Variants in VCAM1 observed in about 807,000 individuals in gnomAD.
VCAM1 encodes the protein vascular cell adhesion molecule 1.
Under a neutral mutation model 63.8 loss-of-function variants are expected in VCAM1, and 41 were observed. The observed-to-expected ratio is 0.64, with a 90% confidence interval of 0.50 to 0.83. The LOEUF (loss-of-function observed/expected upper bound fraction) is 0.83, where lower values mean the gene tolerates loss of function less well. VCAM1 is among the 40% of genes least tolerant of loss of function. The pLI is 0.00. For missense variants in VCAM1, 798 were observed against 875.5 expected (o/e 0.91, Z 1.12); for synonymous variants, 338 against 320.7 (o/e 1.05, Z -0.58).
At chr1:100,737,714 T>A (rs1660706697) in intron 8 of VCAM1, 1 of 154,836 alleles carries the variant, frequency 6.5e-6, no homozygotes, top group Non-Finnish European at 1.4e-5. Context: ...AACTGGTTAG[T>A]CATTTCAATT....
rs1660504823 is a variant in VCAM1, at chr1:100,732,685, G to A, written c.1792+1G>A. 3.2e-6 allele frequency: 5 copies of A among 1,582,134 alleles called. No homozygotes were observed. The highest frequency in any genetic ancestry group is 4.3e-6 in the Non-Finnish European group (5 of 1,166,408). On this transcript the variant is annotated splice_donor_variant, in intron 7 of 8. Transcript: ENST00000294728. LOFTEE classifies it high-confidence loss of function. The stretch of plus-strand genomic sequence containing the variant: ...AAGGAAGTGGAATTAATTATCCAAG[G>A]TGAGCAGAGTGTGAGTAATGAGTTA...
chr1:100,729,591 A>T (rs183920095), intron 5 of VCAM1, among the ~76,000 whole-genome samples: 1 of 152,206 alleles, frequency 6.6e-6, no homozygotes, highest in East Asian at 1.9e-4. Context: ...CACAGCACCC[A>T]CAATCCTTGG....
chr1:100,721,280 A>T (rs1659941004), intron 2 of VCAM1, among the ~76,000 whole-genome samples: 1 of 152,050 alleles, frequency 6.6e-6, no homozygotes, highest in Admixed American at 6.6e-5. Context: ...CAATCATTTG[A>T]CTTTGGTGTT....
In VCAM1 at chr1:100,719,796, C is replaced by T; in HGVS notation, c.-65C>T. The T allele has an allele frequency of 6.4e-7, 1 of 1,558,654 alleles. No individual in the cohort carries two copies. The highest frequency in any genetic ancestry group is 8.8e-7 in the Non-Finnish European group (1 of 1,138,054). On this transcript the variant is annotated 5_prime_UTR_variant, in exon 1 of 9. Transcript: ENST00000294728. ...CAGGAGCTGAATACCCTCCCAGGCA[C>T]ACACAGGTGGGACACAAATAAGGGT...
intron 2 of VCAM1, among the ~76,000 whole-genome samples, chr1:100,722,239 C>G (rs1439885007): frequency 6.6e-6 from 1 of 152,026 alleles, no homozygotes; most frequent in African/African-American, 2.4e-5. Context: ...TTTCCTTGTA[C>G]TAGAAGCTTC....
At chr1:100,735,578 T>C (rs879663762) in intron 8 of VCAM1, 5 of 152,218 alleles carry the variant, frequency 3.3e-5, no homozygotes, top group African/African-American at 4.8e-5. Flanking sequence ...CACTTGGCTA[T>C]TGGAGTGAGC....
chr1:100,732,227 G>A (rs149376747), intron 6 of VCAM1, among the ~76,000 whole-genome samples, 191 bp from the exon 7 acceptor site: 41 of 152,204 alleles, frequency 2.7e-4, no homozygotes, highest in South Asian at 2.3e-3. Context: ...ACACCATGAC[G>A]TGTCCATGTT....
chr1:100,731,530 T>C lies in VCAM1; in HGVS notation c.1525+12T>C. 1.2e-6 allele frequency: 2 copies of C among 1,606,434 alleles called. No individual in the cohort carries two copies. Among genetic ancestry groups the C allele is most frequent in the South Asian group, 1.1e-5 (1 of 90,070 alleles). On this transcript the variant is annotated intron_variant, in intron 6 of 8. Coordinates refer to ENST00000294728, the MANE Select transcript of VCAM1 (RefSeq NM_001078.4). This position sits in a 1 kb window ranked among gnomAD's most constrained non-coding sequence, Gnocchi z 4.2. Reference sequence around the variant, plus strand: ...ACTTTATGTCAATGGTAAGTACATATGTGAGGTATCTACAGTTTAATACCT... The same window carrying C: ...ACTTTATGTCAATGGTAAGTACATACGTGAGGTATCTACAGTTTAATACCT...
Position 100,732,693 on chromosome 1 carries a change from A to T in VCAM1, c.1792+9A>T. 6.4e-7 allele frequency: 1 copy of T among 1,568,762 alleles called. No individual in the cohort carries two copies. Among genetic ancestry groups the T allele is most frequent in the South Asian group, 1.2e-5 (1 of 82,338 alleles). ...GGAATTAATTATCCAAGGTGAGCAG[A>T]GTGTGAGTAATGAGTTATCCTTGCT... On this transcript the variant is annotated intron_variant, in intron 7 of 8. Coordinates refer to ENST00000294728, the MANE Select transcript of VCAM1 (RefSeq NM_001078.4).
chr1:100,736,726 G>C (rs1660662452), intron 8 of VCAM1: 1 of 152,138 alleles, frequency 6.6e-6, no homozygotes, highest in Non-Finnish European at 1.5e-5. Context: ...CTCAGCTCTA[G>C]CAAGGGAAAG....
Position 100,732,457 on chromosome 1 carries a change from C to G in VCAM1, c.1565C>G (p.Ser522Cys). 1 of 1,601,240 alleles carries G rather than the reference C, an allele frequency of 6.2e-7. No individual in the cohort carries two copies. Among genetic ancestry groups the G allele is most frequent in the Non-Finnish European group, 8.5e-7 (1 of 1,175,442 alleles). ...RDTTVLVSPSSILEEGSSVNM... is the reference protein window; with the variant it reads ...RDTTVLVSPSCILEEGSSVNM... ...ACAACCGTCTTGGTCAGCCCTTCCT[C>G]CATCCTGGAGGAAGGCAGTTCTGTG... The change falls in exon 7 of 9, where the codon TCC (serine) becomes TGC (cysteine). Residue 522 changes from serine to cysteine, a missense_variant. By Grantham distance (112) the Ser-to-Cys change is moderately radical. Coordinates refer to ENST00000294728, the MANE Select transcript of VCAM1 (RefSeq NM_001078.4).
intron 4 of VCAM1, among the ~76,000 whole-genome samples, chr1:100,727,559 G>A (rs1660217431): frequency 6.6e-6 from 1 of 151,978 alleles, no homozygotes; most frequent in South Asian, 2.1e-4. Flanking sequence ...GAGTTGTTTT[G>A]CACTTTGCAT....
rs761632887 is a variant in VCAM1 at position 100,738,119 on chromosome 1, C to T, written c.2060-4C>T. 6.2e-7 allele frequency: 1 copy of T among 1,611,394 alleles called. No homozygotes were observed. The highest frequency in any genetic ancestry group is 8.5e-7 in the Non-Finnish European group (1 of 1,179,060). On this transcript the variant is annotated splice_region_variant and splice_polypyrimidine_tract_variant and intron_variant, in intron 8 of 8. Transcript: ENST00000294728. ...TTAATTGCATCCATTTTGTTATTTT[C>T]CAGGAAGAGAAAACAACAAAGACTA...
intron 2 of VCAM1, among the ~76,000 whole-genome samples, chr1:100,722,081 C>T (rs1052854382): frequency 1.3e-5 from 2 of 151,984 alleles, no homozygotes; most frequent in Non-Finnish European, 2.9e-5. Flanking sequence ...GTCTCCTTTC[C>T]GCATTTGATT....
rs565225501 is a variant in VCAM1, at chr1:100,724,794, T to G, written c.832T>G (p.Leu278Val). ...QHLSGNATLT[L>V]IAMRMEDSGI... ...CCTTTCTGGAAATGCAACTCTCACC[T>G]TAATTGCTATGAGGATGGAAGATTC... Residue 278 changes from leucine (L) to valine (V), a missense_variant, in exon 4 of 9, where the codon TTA (leucine) becomes GTA (valine). Leu to Val is a conservative substitution (Grantham distance 32). Transcript: ENST00000294728. The G allele has an allele frequency of 1.9e-5, 31 of 1,613,020 alleles. 1 individual carries two copies. The South Asian group carries it at 2.9e-4, about 15-fold the overall frequency.
At position 100,738,107 on chromosome 1, in the gene VCAM1, T is replaced by C. The variant is rs1660721328; in HGVS notation, c.2060-16T>C. On this transcript the variant is annotated splice_polypyrimidine_tract_variant and intron_variant, in intron 8 of 8. Coordinates refer to ENST00000294728, the MANE Select transcript of VCAM1 (RefSeq NM_001078.4). The stretch of plus-strand genomic sequence containing the variant: ...TTGTACTAGACATTAATTGCATCCA[T>C]TTTGTTATTTTCCAGGAAGAGAAAA... The C allele has an allele frequency of 6.2e-7, 1 of 1,610,988 alleles. No homozygotes were observed.
At position 100,738,111 on chromosome 1, in the gene VCAM1, G is replaced by A. The variant is rs1295295726; in HGVS notation, c.2060-12G>A. ...ACTAGACATTAATTGCATCCATTTT[G>A]TTATTTTCCAGGAAGAGAAAACAAC... On this transcript the variant is annotated splice_polypyrimidine_tract_variant and intron_variant, in intron 8 of 8. Coordinates refer to ENST00000294728, the MANE Select transcript of VCAM1 (RefSeq NM_001078.4). 2.5e-6 allele frequency: 4 copies of A among 1,610,860 alleles called. No individual in the cohort carries two copies. The South Asian group carries it at 4.4e-5, about 18-fold the overall frequency.
In VCAM1 at chr1:100,731,472, A is replaced by T. The variant is rs1273853316; in HGVS notation, c.1479A>T (p.Glu493Asp). The T allele has an allele frequency of 6.2e-7, 1 of 1,613,598 alleles. No homozygotes were observed. Among genetic ancestry groups the T allele is most frequent in the East Asian group, 2.2e-5 (1 of 44,864 alleles). Reference sequence around the variant, plus strand: ...CTAAGTTACATATTGATGACATGGAATTCGAACCCAAACAAAGGCAGAGTA... The same window carrying T: ...CTAAGTTACATATTGATGACATGGATTTCGAACCCAAACAAAGGCAGAGTA... ...CQAKLHIDDM[E>D]FEPKQRQSTQ... Residue 493 changes from glutamate to aspartate, a missense_variant, in exon 6 of 9, where the codon GAA (glutamate) becomes GAT (aspartate). Glu to Asp is a conservative substitution (Grantham distance 45, BLOSUM62 2). Transcript: ENST00000294728. This position sits in a 1 kb window ranked among gnomAD's most constrained non-coding sequence, Gnocchi z 4.2.
rs775832096 is a variant in VCAM1, at chr1:100,738,323, G to C, written c.*40G>C. 6 of 1,588,114 alleles carry C rather than the reference G, an allele frequency of 3.8e-6. No individual in the cohort carries two copies. Among genetic ancestry groups the C allele is most frequent in the Non-Finnish European group, 5.2e-6 (6 of 1,164,626 alleles). On this transcript the variant is annotated 3_prime_UTR_variant, in exon 9 of 9. Coordinates refer to ENST00000294728, the MANE Select transcript of VCAM1 (RefSeq NM_001078.4). Reference sequence around the variant, plus strand: ...GTTCAACTGGAGACACTATTTATCTGTGCAAATCCTTGATACTGCTCATCA... The same window carrying C: ...GTTCAACTGGAGACACTATTTATCTCTGCAAATCCTTGATACTGCTCATCA...
Sources: allele counts gnomAD v4.1 joint callset (sites outside exome capture counted in the v4.1 genomes callset), GRCh38; gene constraint gnomAD v4.1.1; non-coding constraint Gnocchi (gnomAD v3.1); transcripts MANE v1.5; gene names NCBI Gene and HGNC (gene_info 2026-07-23, HGNC 2026-07-21).